TMEM242: variants seen among roughly 807,000 people sequenced by gnomAD.
The protein encoded by TMEM242 is transmembrane protein 242.
A neutral mutation model predicts 18.2 loss-of-function variants in TMEM242; 10 were observed. That is an observed-to-expected ratio of 0.55 (90% CI 0.34 to 0.93). TMEM242 has a LOEUF of 0.93. Among genes scored for constraint, TMEM242 ranks in the 40% least tolerant of loss-of-function variants. TMEM242 has a pLI of 0.02. For synonymous variants in TMEM242, 57 were observed against 69.9 expected, an observed-to-expected ratio of 0.81 and a Z score of 0.92; for missense variants, 186 against 175.5, an observed-to-expected ratio of 1.06 and a Z score of -0.34.
At chr6:157,304,880 C>G (rs1017637294) in intron 3 of TMEM242, among the ~76,000 whole-genome samples, 5 of 152,006 alleles carry the variant, frequency 3.3e-5, no homozygotes, top group African/African-American at 9.7e-5. Context: ...GTTTCCTGGG[C>G]AAAGCTAGAG....
intron 3 of TMEM242, among the ~76,000 whole-genome samples, chr6:157,307,011 T>G (rs1554247974): frequency 6.6e-6 from 1 of 152,242 alleles, no homozygotes; most frequent in Non-Finnish European, 1.5e-5. Flanking sequence ...TACCGGTAAG[T>G]GAATACTTAC....
intron 3 of TMEM242, among the ~76,000 whole-genome samples, chr6:157,298,767 A>G (rs1777785484): frequency 6.6e-6 from 1 of 152,208 alleles, no homozygotes; most frequent in Non-Finnish European, 1.5e-5. Flanking sequence ...AAATACTTAC[A>G]TCCTACTTTT....
rs1010445977 is a variant in TMEM242, at chr6:157,290,555, G to A, written c.*2346C>T. The A allele has an allele frequency of 1.3e-5, 2 of 152,112 alleles. No homozygotes were observed. The highest frequency in any genetic ancestry group is 2.9e-5 in the Non-Finnish European group (2 of 68,030). 9.4% of individuals were successfully genotyped at this position (152,112 alleles called of 1,614,324 possible). On this transcript the variant is annotated 3_prime_UTR_variant, in exon 4 of 4. Coordinates refer to ENST00000400788, the MANE Select transcript of TMEM242 (RefSeq NM_018452.6). ...TCAGAGCTCAATACACAGATGGTAC[G>A]TCTCATAAAGAATAACATTATCTGT...
chr6:157,318,962 G>C lies in TMEM242; in HGVS notation c.190-43C>G, dbSNP rs144661267. ...AGTTGAGGTAAAAACAATCAGTGCA[G>C]AAAGAATAAGCATTCTGGGGGTGTT... On this transcript the variant is annotated intron_variant, in intron 2 of 3. Coordinates refer to ENST00000400788, the MANE Select transcript of TMEM242 (RefSeq NM_018452.6). 9.5e-4 allele frequency: 1,469 copies of C among 1,548,944 alleles called. 16 individuals carry two copies. In the African/African-American group the frequency reaches 0.018, roughly 19 times the overall value.
At position 157,312,444 on chromosome 6, in the gene TMEM242, G is replaced by A. The variant is rs77465637; in HGVS notation, c.327+6338C>T. On this transcript the variant is annotated intron_variant, in intron 3 of 3. Coordinates refer to ENST00000400788, the MANE Select transcript of TMEM242 (RefSeq NM_018452.6). ...CATAGTGTCACAGTGTGCACTCACCGAGCCTCATAGTGCCCCAGCGTGCAC... is the reference window on the plus strand; with the variant it reads ...CATAGTGTCACAGTGTGCACTCACCAAGCCTCATAGTGCCCCAGCGTGCAC... Among the ~76,000 whole-genome samples, 119 of 35,518 alleles carry A rather than the reference G, an allele frequency of 3.4e-3. 6 individuals are homozygous for A. The South Asian group carries it at 0.058, about 17-fold the overall frequency. 23.3% of individuals were successfully genotyped at this position (35,518 alleles called of 152,430 possible). A position where few individuals can be genotyped will look rare whatever the true frequency, so the allele number is the denominator to read the frequency against.
chr6:157,312,864 G>T, intron 3 of TMEM242, among the ~76,000 whole-genome samples: 1 of 150,350 alleles, frequency 6.7e-6, no homozygotes, highest in East Asian at 1.9e-4. Context: ...TCATCATAGT[G>T]TCCCAGTGTG....
At chr6:157,297,245 A>G (rs587700739) in intron 3 of TMEM242, among the ~76,000 whole-genome samples, 1 of 152,218 alleles carries the variant, frequency 6.6e-6, no homozygotes, top group Non-Finnish European at 1.5e-5. Context: ...TGCACAGCCT[A>G]TGTGCTTACT....
intron 3 of TMEM242, among the ~76,000 whole-genome samples, chr6:157,313,156 G>A (rs142243229): frequency 0.12 from 280 of 2,256 alleles, 1 homozygote; most frequent in Middle Eastern, 0.21. Context: ...GCGCTCACCT[G>A]GCCTCATCAT....
chr6:157,303,795 G>A (rs782172428), intron 3 of TMEM242, among the ~76,000 whole-genome samples: 4 of 149,274 alleles, frequency 2.7e-5, no homozygotes, highest in African/African-American at 5.0e-5. Context: ...TAAATTAGTG[G>A]GCTCTAATTC....
intron 1 of TMEM242, 147 bp downstream of exon 1, chr6:157,323,265 C>T: frequency 1.1e-6 from 1 of 879,366 alleles, no homozygotes; most frequent in Non-Finnish European, 1.8e-6. Flanking sequence ...CCTCCCTGGG[C>T]CGCCAGACTC....
chr6:157,294,162 ACACTCCCTGATTCATCCTGGTTAAT>A (rs1554247044), intron 3 of TMEM242, among the ~76,000 whole-genome samples: 1 of 152,086 alleles, frequency 6.6e-6, no homozygotes, highest in African/African-American at 2.4e-5. Flanking sequence ...TACTAGTAAC[ACACTCCCTGATTCATCCTGGTTAAT>A]CTATACGGTC....
chr6:157,311,530 G>A (rs797043294), intron 3 of TMEM242, among the ~76,000 whole-genome samples: 2 of 9,566 alleles, frequency 2.1e-4, no homozygotes, highest in South Asian at 4.7e-3. Context: ...GCACTCAACC[G>A]GCCTCATCAT....
intron 3 of TMEM242, chr6:157,299,248 C>T (rs1777793303): frequency 1.4e-6 from 1 of 736,268 alleles, no homozygotes; most frequent in Non-Finnish European, 2.6e-6. Context: ...AAATCAGCTA[C>T]AGATAGGCCA....
chr6:157,293,762 T>C (rs1402082216), intron 3 of TMEM242, among the ~76,000 whole-genome samples: 1 of 152,128 alleles, frequency 6.6e-6, no homozygotes, highest in Non-Finnish European at 1.5e-5. Flanking sequence ...TTTCTTTTTT[T>C]GAGGCAGTTG....
intron 3 of TMEM242, chr6:157,299,944 C>T: frequency 6.3e-7 from 1 of 1,598,790 alleles, no homozygotes; most frequent in Middle Eastern, 2.1e-4. Flanking sequence ...TGATGGAGAC[C>T]TTACTGTGAT....
intron 3 of TMEM242, among the ~76,000 whole-genome samples, chr6:157,302,402 CA>C (rs1777843176): frequency 6.6e-6 from 1 of 152,118 alleles, no homozygotes; most frequent in African/African-American, 2.4e-5. Context: ...ACATGAAATT[CA>C]AGGACATAAA....
At chr6:157,316,248 A>G (rs1778388141) in intron 3 of TMEM242, among the ~76,000 whole-genome samples, 1 of 152,224 alleles carries the variant, frequency 6.6e-6, no homozygotes, top group African/African-American at 2.4e-5. Flanking sequence ...AATAATCTGA[A>G]GATTCAGACC....
At chr6:157,307,149 C>G (rs782746348) in intron 3 of TMEM242, among the ~76,000 whole-genome samples, 13 of 152,322 alleles carry the variant, frequency 8.5e-5, no homozygotes, top group Middle Eastern at 6.8e-3. Context: ...TATCAGGTCT[C>G]CAGTCCACAA....
intron 1 of TMEM242, 51 bp downstream of exon 1, chr6:157,323,361 G>T: frequency 5.1e-6 from 8 of 1,580,884 alleles, no homozygotes; most frequent in South Asian, 1.1e-5. Context: ...GCAAGCCAGG[G>T]TCCGGGGTTA....
Sources: allele counts gnomAD v4.1 joint callset (sites outside exome capture counted in the v4.1 genomes callset), GRCh38; gene constraint gnomAD v4.1.1; transcripts MANE v1.5; gene names NCBI Gene and HGNC (gene_info 2026-07-23, HGNC 2026-07-21).